The following CA10 variants were observed in gnomAD, a reference collection of about 807,000 sequenced individuals.
The protein encoded by CA10 is carbonic anhydrase 10 (inactive), also known as carbonic anhydrase-related protein 10.
Under a neutral mutation model 44.2 loss-of-function variants are expected in CA10, and 14 were observed. That is an observed-to-expected ratio of 0.32 (90% confidence interval 0.21 to 0.50). CA10 has a LOEUF of 0.50. Ranked by LOEUF, CA10 falls within the 20% of genes least tolerant of loss-of-function variation. CA10 has a pLI of 0.99. For missense variants in CA10, 350 were observed against 409.7 expected, an observed-to-expected ratio of 0.85 and a Z score of 1.26; for synonymous variants, 159 against 141.6, an observed-to-expected ratio of 1.12 and a Z score of -0.87.
chr17:51,863,327 T>C (rs1327171437), intron 3 of CA10, among the ~76,000 whole-genome samples: 1 of 152,222 alleles, frequency 6.6e-6, no homozygotes, highest in Admixed American at 6.5e-5. Flanking sequence ...TTAGTAGTTA[T>C]GCTTAAATCC....
intron 2 of CA10, among the ~76,000 whole-genome samples, chr17:52,050,615 C>A (rs964393353): frequency 1.3e-5 from 2 of 152,046 alleles, no homozygotes; most frequent in African/African-American, 4.8e-5. Flanking sequence ...GTCCTTCAAT[C>A]CCTTCCTTGG....
chr17:51,887,995 A>G (rs1980688878), intron 3 of CA10, among the ~76,000 whole-genome samples: 1 of 152,154 alleles, frequency 6.6e-6, no homozygotes, highest in South Asian at 2.1e-4. Flanking sequence ...ACTGCACTCC[A>G]GTCTGGGAGA....
intron 3 of CA10, chr17:51,762,054 C>T (rs1253001098): frequency 6.6e-6 from 1 of 152,178 alleles, no homozygotes; most frequent in Non-Finnish European, 1.5e-5. Context: ...ATCTACAGAG[C>T]TCTATATGGC....
At chr17:51,934,987 T>C (rs1002805915) in intron 2 of CA10, among the ~76,000 whole-genome samples, 1 of 152,114 alleles carries the variant, frequency 6.6e-6, no homozygotes, top group Non-Finnish European at 1.5e-5. Context: ...GGGAGTCAGA[T>C]GGCCCACTTT....
intron 4 of CA10, among the ~76,000 whole-genome samples, chr17:51,742,644 TGA>T (rs1016305858): frequency 2.0e-5 from 3 of 151,634 alleles, no homozygotes; most frequent in African/African-American, 4.8e-5. Context: ...TCAGAGCCAC[TGA>T]GAGAGAGAGA....
chr17:51,897,362 G>T (rs1284209129), intron 3 of CA10, among the ~76,000 whole-genome samples: 1 of 152,068 alleles, frequency 6.6e-6, no homozygotes, highest in East Asian at 1.9e-4. Context: ...CTTTGTAGGA[G>T]ATCAGATGGT....
rs184989379 is a variant in CA10, at chr17:51,831,708, G to T, written c.280-83890C>A. Among the ~76,000 whole-genome samples the T allele has an allele frequency of 1.6e-3, 163 of 99,556 alleles. 2 individuals carry two copies. The highest frequency in any genetic ancestry group is 4.4e-3 in the African/African-American group (134 of 30,636). 65.3% of individuals were successfully genotyped at this position (99,556 alleles called of 152,430 possible). On this transcript the variant is annotated intron_variant, in intron 3 of 8. Coordinates refer to ENST00000451037, the MANE Select transcript of CA10 (RefSeq NM_020178.5). ...AGCAGCAGCAGCAGCAGCAGCAGCA[G>T]CAGCAGCAGCAGCAGCAGCAGCAGA...
chr17:51,897,940 G>A (rs547088869), intron 3 of CA10, among the ~76,000 whole-genome samples: 1 of 152,108 alleles, frequency 6.6e-6, no homozygotes, highest in Non-Finnish European at 1.5e-5. Context: ...TGCTGAAGTT[G>A]TTTATCAGAT....
intron 1 of CA10, among the ~76,000 whole-genome samples, chr17:52,108,495 G>C (rs940254396): frequency 4.6e-5 from 7 of 151,412 alleles, no homozygotes; most frequent in African/African-American, 1.7e-4. Flanking sequence ...TCAGGAGTTC[G>C]AGACCAGCCT....
At chr17:51,948,892 G>C (rs187814188) in intron 2 of CA10, among the ~76,000 whole-genome samples, 3 of 152,152 alleles carry the variant, frequency 2.0e-5, no homozygotes, top group Admixed American at 2.0e-4. Context: ...AAAAATGTAT[G>C]ATTAATCTGC....
intron 2 of CA10, among the ~76,000 whole-genome samples, chr17:52,034,818 T>TA (rs1986569959): frequency 6.6e-6 from 1 of 152,156 alleles, no homozygotes; most frequent in South Asian, 2.1e-4. Context: ...ATAAACAATG[T>TA]ATTGCACAGC....
At chr17:51,728,026 C>T (rs1916587757) in intron 4 of CA10, among the ~76,000 whole-genome samples, 3 of 152,100 alleles carry the variant, frequency 2.0e-5, no homozygotes, top group Non-Finnish European at 4.4e-5. Flanking sequence ...GCTGAGACTA[C>T]AGGTGCATGC....
At chr17:52,102,678 G>A (rs907123976) in intron 1 of CA10, among the ~76,000 whole-genome samples, 2 of 152,184 alleles carry the variant, frequency 1.3e-5, no homozygotes, top group African/African-American at 4.8e-5. Flanking sequence ...TCCCTCTTGG[G>A]CTTCTTCAGT....
At chr17:51,972,533 T>G (rs1201951735) in intron 2 of CA10, among the ~76,000 whole-genome samples, 1 of 152,060 alleles carries the variant, frequency 6.6e-6, no homozygotes, top group African/African-American at 2.4e-5. Context: ...TTCGTAAGAC[T>G]CCTGGTCTTA....
chr17:51,984,835 C>T (rs895456037), intron 2 of CA10, among the ~76,000 whole-genome samples: 17 of 151,952 alleles, frequency 1.1e-4, no homozygotes, highest in African/African-American at 3.9e-4. Flanking sequence ...CCTGAACAGA[C>T]TAATAACAAG....
At chr17:51,827,983 T>C (rs1207691525) in intron 3 of CA10, among the ~76,000 whole-genome samples, 1 of 152,190 alleles carries the variant, frequency 6.6e-6, no homozygotes, top group Non-Finnish European at 1.5e-5. Flanking sequence ...TTGGAAACCT[T>C]GCATTGAAGA....
intron 4 of CA10, among the ~76,000 whole-genome samples, chr17:51,665,301 TAGAA>T (rs140408346): frequency 0.03 from 4,550 of 152,140 alleles, 221 homozygotes; most frequent in African/African-American, 0.1. Flanking sequence ...GGATGAATAT[TAGAA>T]AGAGCACAGG....
Position 51,639,758 on chromosome 17 carries a change from G to A in CA10, c.635-3749C>T, listed in dbSNP as rs144448278. On this transcript the variant is annotated intron_variant, in intron 6 of 8. Coordinates refer to ENST00000451037, the MANE Select transcript of CA10 (RefSeq NM_020178.5). The stretch of plus-strand genomic sequence containing the variant: ...TGGAAAGACCCAGAGTGGAGAGTGT[G>A]AGTTTTAGACTCACATCGCAGTTGG... 4.6e-5 allele frequency among the ~76,000 whole-genome samples: 7 copies of A among 152,304 alleles called. No individual in the cohort carries two copies. In the East Asian group the frequency reaches 1.4e-3, roughly 29 times the overall value.
At chr17:51,756,919 C>T (rs1035739743) in intron 3 of CA10, among the ~76,000 whole-genome samples, 2 of 152,220 alleles carry the variant, frequency 1.3e-5, no homozygotes, top group East Asian at 3.9e-4. Context: ...TTCCAGTCCC[C>T]GCTTGCTGGG....
Sources: allele counts gnomAD v4.1 joint callset (sites outside exome capture counted in the v4.1 genomes callset), GRCh38; gene constraint gnomAD v4.1.1; transcripts MANE v1.5; gene names NCBI Gene and HGNC (gene_info 2026-07-23, HGNC 2026-07-21).